ATOH1: variants seen among roughly 807,000 people sequenced by gnomAD.
ATOH1 encodes atonal bHLH transcription factor 1.
In ATOH1, 9 loss-of-function variants were observed where a neutral mutation model predicts 20.7. The ratio of observed to expected loss-of-function variants is 0.44; its 90% CI spans 0.26 to 0.76. ATOH1 has a LOEUF of 0.76. Ranked by LOEUF, ATOH1 falls within the 30% of genes least tolerant of loss-of-function variation. The pLI, the probability that ATOH1 is intolerant of heterozygous loss-of-function variation, is 0.20. For synonymous variants in ATOH1, 247 were observed against 214.3 expected, an observed-to-expected ratio of 1.15 and a Z score of -1.33; for missense variants, 516 against 479.3, an observed-to-expected ratio of 1.08 and a Z score of -0.71.
rs776122789 is a variant in ATOH1 at position 93,829,850 on chromosome 4, A to G, written c.924A>G (p.Gln308=). The G allele has an allele frequency of 6.2e-7, 1 of 1,614,084 alleles. No homozygotes were observed. Among genetic ancestry groups the G allele is most frequent in the Non-Finnish European group, 8.5e-7 (1 of 1,180,036 alleles). The change falls in exon 1 of 1, where the codon CAA becomes CAG. Residue 308 remains glutamine, a synonymous_variant. Transcript: ENST00000306011. The surrounding 1 kb of genome is among the most constrained non-coding windows in gnomAD (Gnocchi z 4.5). The stretch of plus-strand genomic sequence containing the variant: ...GCGCCCTGACAGCGATGATGGCGCA[A>G]AAGAATTTGTCTCCTTCTCTCCCCG... ...EDSALTAMMA[Q]KNLSPSLPGS...
rs910350499 is a variant in ATOH1 at position 93,830,521 on chromosome 4, A to G, written c.*530A>G. ...TTGACTATGGAATTGTTAGAAAACAAGAAACTTTAAGGTTTATATATTGTA... is the reference window on the plus strand; with the variant it reads ...TTGACTATGGAATTGTTAGAAAACAGGAAACTTTAAGGTTTATATATTGTA... On this transcript the variant is annotated 3_prime_UTR_variant, in exon 1 of 1. Coordinates refer to ENST00000306011, the MANE Select transcript of ATOH1 (RefSeq NM_005172.2). The G allele has an allele frequency of 1.2e-5, 2 of 165,846 alleles. No individual in the cohort carries two copies. The allele number at this position is 165,846 out of a possible 1,614,324, so 10.3% of individuals were successfully genotyped here.
In ATOH1 at chr4:93,829,947, T is replaced by C; in HGVS notation, c.1021T>C (p.Phe341Leu). Reference sequence around the variant, plus strand: ...TCGGTCCCACAGAAGCGACGGGGAATTTTCCCCCCATTCCCATTACAGTGA... The same window carrying C: ...TCGGTCCCACAGAAGCGACGGGGAACTTTCCCCCCATTCCCATTACAGTGA... ...SPRSHRSDGE[F>L]SPHSHYSDSD... Residue 341 changes from phenylalanine (F) to leucine (L), a missense_variant, in exon 1 of 1, where the codon TTT becomes CTT. Transcript: ENST00000306011. This position sits in a 1 kb window ranked among gnomAD's most constrained non-coding sequence, Gnocchi z 4.5. The C allele has an allele frequency of 1.9e-6, 3 of 1,612,012 alleles. No individual in the cohort carries two copies. The highest frequency in any genetic ancestry group is 2.5e-6 in the Non-Finnish European group (3 of 1,178,930).
At position 93,830,139 on chromosome 4, in the gene ATOH1, C is replaced by G. The variant is rs1735414937; in HGVS notation, c.*148C>G. The G allele has an allele frequency of 7.1e-7, 1 of 1,407,400 alleles. No individual in the cohort carries two copies. Among genetic ancestry groups the G allele is most frequent in the Admixed American group, 3.3e-5 (1 of 29,892 alleles). 87.2% of individuals were successfully genotyped at this position (1,407,400 alleles called of 1,614,324 possible). A position where few individuals can be genotyped will look rare whatever the true frequency, so the allele number is the denominator to read the frequency against. On this transcript the variant is annotated 3_prime_UTR_variant, in exon 1 of 1. Transcript: ENST00000306011. ...GCAACGACTTGGCTTCAGATGGCAG[C>G]TACATTTGATGGTTTGCAAATGCCG... is the stretch of plus-strand genomic sequence containing the variant.
In ATOH1 at chr4:93,830,412, A is replaced by C. The variant is rs574192375; in HGVS notation, c.*421A>C. On this transcript the variant is annotated 3_prime_UTR_variant, in exon 1 of 1. Coordinates refer to ENST00000306011, the MANE Select transcript of ATOH1 (RefSeq NM_005172.2). ...ATCCATCCTTGTGTGTTGCGCACTC[A>C]AGTGTGGGAGATTTAGTCTTCCGAA... is the stretch of plus-strand genomic sequence containing the variant. The C allele has an allele frequency of 5.7e-6, 1 of 174,290 alleles. No individual in the cohort carries two copies. Among genetic ancestry groups the C allele is most frequent in the South Asian group, 2.0e-4 (1 of 4,958 alleles). The allele number at this position is 174,290 out of a possible 1,614,324, so 10.8% of individuals were successfully genotyped here.
chr4:93,829,597 C>T lies in ATOH1; in HGVS notation c.671C>T (p.Pro224Leu), dbSNP rs2110383025. The part of the protein sequence containing the change: ...LLQTPSGGEQ[P>L]PPPPASCKSD... Reference sequence around the variant, plus strand: ...CAAACGCCCAGCGGAGGGGAACAGCCACCGCCGCCTCCAGCCTCCTGCAAA... The same window carrying T: ...CAAACGCCCAGCGGAGGGGAACAGCTACCGCCGCCTCCAGCCTCCTGCAAA... The change falls in exon 1 of 1, where the codon CCA (proline) becomes CTA (leucine). Residue 224 changes from proline to leucine, a missense_variant. Coordinates refer to ENST00000306011, the MANE Select transcript of ATOH1 (RefSeq NM_005172.2). This position sits in a 1 kb window ranked among gnomAD's most constrained non-coding sequence, Gnocchi z 4.5. 1 of 1,613,718 alleles carries T rather than the reference C, an allele frequency of 6.2e-7. No homozygotes were observed. Among genetic ancestry groups the T allele is most frequent in the East Asian group, 2.2e-5 (1 of 44,868 alleles).
rs1214501523 is a variant in ATOH1, at chr4:93,830,759, T to A, written c.*768T>A. The A allele has an allele frequency of 6.0e-6, 1 of 166,988 alleles. No individual in the cohort carries two copies. The highest frequency in any genetic ancestry group is 1.9e-4 in the East Asian group (1 of 5,200). The allele number at this position is 166,988 out of a possible 1,614,324, so 10.3% of individuals were successfully genotyped here. ...TTAAAAAATGAAAAATTAAAAAAAA[T>A]CTAGTAGTGTCAAACGCATTTGGTC... On this transcript the variant is annotated 3_prime_UTR_variant, in exon 1 of 1. Transcript: ENST00000306011.
chr4:93,830,009 G>A lies in ATOH1; in HGVS notation c.*18G>A. 6.4e-7 allele frequency: 1 copy of A among 1,552,586 alleles called. No homozygotes were observed. Among genetic ancestry groups the A allele is most frequent in the Non-Finnish European group, 8.7e-7 (1 of 1,152,462 alleles). ...CAAGTTAGGAAGGTGACAGAAGCCT[G>A]AAAACTGAGACAGAAACAAAACTGC... is the stretch of plus-strand genomic sequence containing the variant. On this transcript the variant is annotated 3_prime_UTR_variant, in exon 1 of 1. Transcript: ENST00000306011.
At position 93,829,715 on chromosome 4, in the gene ATOH1, C is replaced by G; in HGVS notation, c.789C>G (p.Ser263Arg). The change falls in exon 1 of 1, where the codon AGC (serine) becomes AGG (arginine). Residue 263 changes from serine (S) to arginine (R), a missense_variant. Coordinates refer to ENST00000306011, the MANE Select transcript of ATOH1 (RefSeq NM_005172.2). This position sits in a 1 kb window ranked among gnomAD's most constrained non-coding sequence, Gnocchi z 4.5. Reference protein sequence around the residue: ...AAGAQQASGGSQRPTPPGSCR... With the variant: ...AAGAQQASGGRQRPTPPGSCR... ...GGGCTCAGCAGGCTTCCGGAGGGAG[C>G]CAGCGGCCGACCCCGCCCGGGAGTT... 6.4e-7 allele frequency: 1 copy of G among 1,570,682 alleles called. No homozygotes were observed. The highest frequency in any genetic ancestry group is 8.6e-7 in the Non-Finnish European group (1 of 1,160,198).
rs1038874049 is a variant in ATOH1, at chr4:93,830,607, C to T, written c.*616C>T. The T allele has an allele frequency of 4.1e-4, 69 of 166,832 alleles. No individual in the cohort carries two copies. Among genetic ancestry groups the T allele is most frequent in the South Asian group, 2.1e-4 (1 of 4,816 alleles). The allele number at this position is 166,832 out of a possible 1,614,324, so 10.3% of individuals were successfully genotyped here. On this transcript the variant is annotated 3_prime_UTR_variant, in exon 1 of 1. Coordinates refer to ENST00000306011, the MANE Select transcript of ATOH1 (RefSeq NM_005172.2). Reference sequence around the variant, plus strand: ...CGTTGGCGTCTTTTAGGAAACTCCGCGCACGCACTTTATCAGCCGCTGCTG... The same window carrying T: ...CGTTGGCGTCTTTTAGGAAACTCCGTGCACGCACTTTATCAGCCGCTGCTG...
In ATOH1 at chr4:93,830,487, G is replaced by A. The variant is rs1463883919; in HGVS notation, c.*496G>A. On this transcript the variant is annotated 3_prime_UTR_variant, in exon 1 of 1. Coordinates refer to ENST00000306011, the MANE Select transcript of ATOH1 (RefSeq NM_005172.2). ...AACGCAAAATTAGTGCTTCCAAAGT[G>A]GATAACTTTTGACTATGGAATTGTT... is the stretch of plus-strand genomic sequence containing the variant. 10 of 168,010 alleles carry A rather than the reference G, an allele frequency of 6.0e-5. No homozygotes were observed. The allele number at this position is 168,010 out of a possible 1,614,324, so 10.4% of individuals were successfully genotyped here. A position where few individuals can be genotyped will look rare whatever the true frequency, so the allele number is the denominator to read the frequency against.
In ATOH1 at chr4:93,830,772, A is replaced by G. The variant is rs1561018893; in HGVS notation, c.*781A>G. The G allele has an allele frequency of 6.0e-6, 1 of 167,076 alleles. No individual in the cohort carries two copies. 10.3% of individuals were successfully genotyped at this position (167,076 alleles called of 1,614,324 possible). A position where few individuals can be genotyped will look rare whatever the true frequency, so the allele number is the denominator to read the frequency against. On this transcript the variant is annotated 3_prime_UTR_variant, in exon 1 of 1. Transcript: ENST00000306011. ...AATTAAAAAAAATCTAGTAGTGTCA[A>G]ACGCATTTGGTCAATTTTATTTTGC...
At position 93,829,432 on chromosome 4, in the gene ATOH1, G is replaced by C. The variant is rs758188041; in HGVS notation, c.506G>C (p.Arg169Pro). Residue 169 changes from arginine to proline, a missense_variant, in exon 1 of 1, where the codon CGG becomes CCG. Transcript: ENST00000306011. This position sits in a 1 kb window ranked among gnomAD's most constrained non-coding sequence, Gnocchi z 4.5. The stretch of plus-strand genomic sequence containing the variant: ...CGGCTAGCAGCCAACGCCAGGGAGC[G>C]GCGCAGGATGCATGGGCTGAACCAC... Reference protein sequence around the residue: ...QRRLAANARERRRMHGLNHAF... With the variant: ...QRRLAANAREPRRMHGLNHAF... 15 of 1,614,252 alleles carry C rather than the reference G, an allele frequency of 9.3e-6. No homozygotes were observed. Among genetic ancestry groups the C allele is most frequent in the East Asian group, 2.2e-5 (1 of 44,876 alleles).
At position 93,829,604 on chromosome 4, in the gene ATOH1, G is replaced by A. The variant is rs533752955; in HGVS notation, c.678G>A (p.Pro226=). 6.2e-7 allele frequency: 1 copy of A among 1,612,834 alleles called. No homozygotes were observed. Among genetic ancestry groups the A allele is most frequent in the Non-Finnish European group, 8.5e-7 (1 of 1,179,358 alleles). ...QTPSGGEQPP[P]PPASCKSDHH... ...CCAGCGGAGGGGAACAGCCACCGCC[G>A]CCTCCAGCCTCCTGCAAAAGCGACC... The change falls in exon 1 of 1, where the codon CCG becomes CCA. Residue 226 remains proline, a synonymous_variant. Coordinates refer to ENST00000306011, the MANE Select transcript of ATOH1 (RefSeq NM_005172.2). The surrounding 1 kb of genome is among the most constrained non-coding windows in gnomAD (Gnocchi z 4.5).
In ATOH1 at chr4:93,829,700, G is replaced by A. The variant is rs1163834132; in HGVS notation, c.774G>A (p.Gln258=). 1.3e-6 allele frequency: 2 copies of A among 1,568,526 alleles called. No homozygotes were observed. Among genetic ancestry groups the A allele is most frequent in the South Asian group, 2.4e-5 (2 of 82,494 alleles). The part of the protein sequence containing the change: ...AGNATAAGAQ[Q]ASGGSQRPTP... ...ACGCGACCGCAGCTGGGGCTCAGCA[G>A]GCTTCCGGAGGGAGCCAGCGGCCGA... Residue 258 remains glutamine (Q), a synonymous_variant, in exon 1 of 1, where the codon CAG becomes CAA. Coordinates refer to ENST00000306011, the MANE Select transcript of ATOH1 (RefSeq NM_005172.2). This position sits in a 1 kb window ranked among gnomAD's most constrained non-coding sequence, Gnocchi z 4.5.
chr4:93,828,829 A>T lies in ATOH1; in HGVS notation c.-98A>T, dbSNP rs1735383891. The T allele has an allele frequency of 7.4e-7, 1 of 1,347,280 alleles. No individual in the cohort carries two copies. Among genetic ancestry groups the T allele is most frequent in the Non-Finnish European group, 9.9e-7 (1 of 1,010,300 alleles). The allele number at this position is 1,347,280 out of a possible 1,614,324, so 83.5% of individuals were successfully genotyped here. On this transcript the variant is annotated 5_prime_UTR_variant, in exon 1 of 1. Coordinates refer to ENST00000306011, the MANE Select transcript of ATOH1 (RefSeq NM_005172.2). ...GAGGGTCGAGGAGGGAAAAAAAAATAAGACGTTGCAGAAGAGACCCGGAAA... is the reference window on the plus strand; with the variant it reads ...GAGGGTCGAGGAGGGAAAAAAAAATTAGACGTTGCAGAAGAGACCCGGAAA...
chr4:93,828,770 C>A lies in ATOH1; in HGVS notation c.-157C>A. The A allele has an allele frequency of 1.3e-6, 1 of 774,208 alleles. No individual in the cohort carries two copies. Among genetic ancestry groups the A allele is most frequent in the Non-Finnish European group, 1.9e-6 (1 of 515,688 alleles). 48.0% of individuals were successfully genotyped at this position (774,208 alleles called of 1,614,324 possible). ...CAGCAACCGGAGAAGCATAGTTGCA[C>A]GCGACCTGGTGTGTGATCTCCGAGT... On this transcript the variant is annotated 5_prime_UTR_variant, in exon 1 of 1. Coordinates refer to ENST00000306011, the MANE Select transcript of ATOH1 (RefSeq NM_005172.2).
rs376429461 is a variant in ATOH1, at chr4:93,829,230, C to A, written c.304C>A (p.Arg102=). Residue 102 remains arginine (R), a synonymous_variant, in exon 1 of 1, where the codon CGG becomes AGG. Coordinates refer to ENST00000306011, the MANE Select transcript of ATOH1 (RefSeq NM_005172.2). The surrounding 1 kb of genome is among the most constrained non-coding windows in gnomAD (Gnocchi z 4.5). The stretch of plus-strand genomic sequence containing the variant: ...TGCGCCCCGGGACGAGGTGGACGGC[C>A]GGGGGGAGCTGGTAAGGAGGAGCAG... ...AAAPRDEVDG[R]GELVRRSSGG... is the part of the protein sequence containing the mutation. The A allele has an allele frequency of 3.4e-4, 538 of 1,588,332 alleles. No individual in the cohort carries two copies. The highest frequency in any genetic ancestry group is 4.6e-4 in the Admixed American group (27 of 58,430).
chr4:93,828,930 T>A lies in ATOH1; in HGVS notation c.4T>A (p.Ser2Thr), dbSNP rs1374056935. Residue 2 changes from serine to threonine, a missense_variant, in exon 1 of 1, where the codon TCC becomes ACC. Transcript: ENST00000306011. MSRLLHAEEWAE... is the reference protein window; with the variant it reads MTRLLHAEEWAE... Reference sequence around the variant, plus strand: ...GCCTCCGAGCCTTTGCAGTGCAATGTCCCGCCTGCTGCATGCAGAAGAGTG... The same window carrying A: ...GCCTCCGAGCCTTTGCAGTGCAATGACCCGCCTGCTGCATGCAGAAGAGTG... 6.3e-7 allele frequency: 1 copy of A among 1,590,712 alleles called. No homozygotes were observed. Among genetic ancestry groups the A allele is most frequent in the East Asian group, 2.2e-5 (1 of 44,712 alleles).
At position 93,829,177 on chromosome 4, in the gene ATOH1, C is replaced by G; in HGVS notation, c.251C>G (p.Ser84Cys). Reference sequence around the variant, plus strand: ...CGCGCCGCCCAGTATTTGCTACATTCCCCGGAGCTGGGTGCCTCAGAGGCC... The same window carrying G: ...CGCGCCGCCCAGTATTTGCTACATTGCCCGGAGCTGGGTGCCTCAGAGGCC... ...TARAAQYLLH[S>C]PELGASEAAA... The change falls in exon 1 of 1, where the codon TCC becomes TGC. Residue 84 changes from serine (S) to cysteine (C), a missense_variant. Coordinates refer to ENST00000306011, the MANE Select transcript of ATOH1 (RefSeq NM_005172.2). The surrounding 1 kb of genome is among the most constrained non-coding windows in gnomAD (Gnocchi z 4.5). 1 of 1,588,078 alleles carries G rather than the reference C, an allele frequency of 6.3e-7. No homozygotes were observed. Among genetic ancestry groups the G allele is most frequent in the Non-Finnish European group, 8.6e-7 (1 of 1,166,076 alleles).
Sources: gnomAD v4.1 joint callset for allele counts on GRCh38, gnomAD v4.1.1 for gene constraint, Gnocchi (gnomAD v3.1) non-coding constraint, MANE v1.5 for transcripts, NCBI Gene and HGNC (gene_info 2026-07-23, HGNC 2026-07-21) for gene names.